FYN: variants seen among roughly 807,000 people sequenced by gnomAD.
The protein encoded by FYN is FYN proto-oncogene, Src family tyrosine kinase.
FYN carries 10 observed loss-of-function variants against 70.2 expected under a neutral mutation model. The observed-to-expected ratio is 0.14, with a 90% CI of 0.09 to 0.24. The LOEUF (loss-of-function observed/expected upper bound fraction) is 0.24, where lower values mean the gene tolerates loss of function less well. Ranked by LOEUF, FYN falls within the 10% of genes least tolerant of loss-of-function variation. FYN has a pLI of 1.00. For synonymous variants in FYN, 236 were observed against 248.6 expected (o/e 0.95, Z 0.48); for missense variants, 319 against 673.1 (o/e 0.47, Z 5.82).
chr6:111,849,758 T>C (rs1274400671), intron 1 of FYN, among the ~76,000 whole-genome samples: 2 of 152,212 alleles, frequency 1.3e-5, no homozygotes, highest in Non-Finnish European at 2.9e-5. Context: ...GTCATTCCAA[T>C]CTCACCAACC....
chr6:111,660,569 T>C lies in FYN; in HGVS notation c.*1170A>G, dbSNP rs1055197334. On this transcript the variant is annotated 3_prime_UTR_variant, in exon 14 of 14. Transcript: ENST00000354650. Reference sequence around the variant, plus strand: ...ACTTTTTTGTTTTTGTGCATCCCCATGAAATGTAAAGTAGTGCATAGTTAT... The same window carrying C: ...ACTTTTTTGTTTTTGTGCATCCCCACGAAATGTAAAGTAGTGCATAGTTAT... 1.3e-4 allele frequency: 20 copies of C among 152,182 alleles called. No homozygotes were observed. Among genetic ancestry groups the C allele is most frequent in the African/African-American group, 4.6e-4 (19 of 41,438 alleles). 9.4% of individuals were successfully genotyped at this position (152,182 alleles called of 1,614,324 possible). A position where few individuals can be genotyped will look rare whatever the true frequency, so the allele number is the denominator to read the frequency against.
intron 7 of FYN, among the ~76,000 whole-genome samples, chr6:111,703,739 C>A (rs1726126): frequency 2.0e-5 from 3 of 152,070 alleles, no homozygotes; most frequent in Admixed American, 6.5e-5. Flanking sequence ...GAAAATTCTA[C>A]GATCTTGTGT....
chr6:111,711,211 G>A (rs117620809), intron 5 of FYN, among the ~76,000 whole-genome samples: 2 of 152,114 alleles, frequency 1.3e-5, no homozygotes, highest in East Asian at 1.9e-4. Context: ...ATTTTATGTC[G>A]GTAACAATTT....
intron 3 of FYN, among the ~76,000 whole-genome samples, chr6:111,743,121 C>T (rs913671758): frequency 2.0e-5 from 3 of 152,080 alleles, no homozygotes; most frequent in African/African-American, 4.8e-5. Context: ...TGCGCGCCAC[C>T]ATGCCTGGCT....
intron 2 of FYN, among the ~76,000 whole-genome samples, chr6:111,831,132 A>G (rs1445373657): frequency 1.3e-5 from 2 of 152,162 alleles, no homozygotes; most frequent in Non-Finnish European, 2.9e-5. Flanking sequence ...TCTGATCCTC[A>G]AAAGGCCCCC....
intron 3 of FYN, among the ~76,000 whole-genome samples, chr6:111,766,123 G>C (rs1031728756): frequency 3.9e-5 from 6 of 152,196 alleles, no homozygotes; most frequent in Non-Finnish European, 7.3e-5. Context: ...ACTTATGAGT[G>C]TCAGGCATCA....
chr6:111,689,521 A>T (rs1328668916), intron 12 of FYN, among the ~76,000 whole-genome samples: 1 of 152,226 alleles, frequency 6.6e-6, no homozygotes, highest in South Asian at 2.1e-4. Context: ...TAATGGCCCC[A>T]ATTTGGAAAT....
At chr6:111,830,861 A>C (rs1283691239) in intron 2 of FYN, among the ~76,000 whole-genome samples, 1 of 152,138 alleles carries the variant, frequency 6.6e-6, no homozygotes, top group Non-Finnish European at 1.5e-5. Flanking sequence ...GAAGATATTG[A>C]GTAAAAATGT....
At chr6:111,824,889 G>A (rs995623164) in intron 2 of FYN, among the ~76,000 whole-genome samples, 16 of 152,152 alleles carry the variant, frequency 1.1e-4, no homozygotes, top group Non-Finnish European at 1.8e-4. Flanking sequence ...CTGAACCAAT[G>A]CATTTGTCAA....
chr6:111,859,944 G>A (rs1444844532), intron 1 of FYN, among the ~76,000 whole-genome samples: 1 of 152,176 alleles, frequency 6.6e-6, no homozygotes, highest in Admixed American at 6.5e-5. Flanking sequence ...TGTAAGAGAG[G>A]AGAAGGCCAT....
rs149226186 is a variant in FYN, at chr6:111,787,504, C to T, written c.-81-6869G>A. 5.0e-3 allele frequency among the ~76,000 whole-genome samples: 766 copies of T among 152,278 alleles called. 5 individuals are homozygous for T. Among genetic ancestry groups the T allele is most frequent in the Middle Eastern group, 0.024 (7 of 294 alleles). ...AGTTTGAAGTCAGGTAGCGTGATGC[C>T]TCCAGGCAAAGACAGGATTTTAACT... On this transcript the variant is annotated intron_variant, in intron 2 of 13. Transcript: ENST00000354650.
chr6:111,867,984 C>T (rs1774163040), intron 1 of FYN, among the ~76,000 whole-genome samples: 1 of 152,146 alleles, frequency 6.6e-6, no homozygotes, highest in African/African-American at 2.4e-5. Context: ...CTGCAGTTCC[C>T]CAAAAGGTCT....
rs1012591676 is a variant in FYN at position 111,832,441 on chromosome 6, C to T, written c.-82+14148G>A. On this transcript the variant is annotated intron_variant, in intron 2 of 13. Transcript: ENST00000354650. Reference sequence around the variant, plus strand: ...AGTACCTTCTAGTATTTGCTTTATACGTTCCTTAGGATTCCTCTACATAAA... The same window carrying T: ...AGTACCTTCTAGTATTTGCTTTATATGTTCCTTAGGATTCCTCTACATAAA... 3.9e-5 allele frequency among the ~76,000 whole-genome samples: 6 copies of T among 152,214 alleles called. No homozygotes were observed. The South Asian group carries it at 8.3e-4, about 21-fold the overall frequency.
chr6:111,776,596 A>G (rs1019005257), intron 3 of FYN, among the ~76,000 whole-genome samples: 1 of 152,216 alleles, frequency 6.6e-6, no homozygotes, highest in Non-Finnish European at 1.5e-5. Context: ...AGTTGAGAGA[A>G]TATTACACCA....
At chr6:111,776,693 T>A (rs974411118) in intron 3 of FYN, among the ~76,000 whole-genome samples, 4 of 152,076 alleles carry the variant, frequency 2.6e-5, no homozygotes, top group Non-Finnish European at 5.9e-5. Flanking sequence ...GCCGGGTGAG[T>A]GCATCCCAAA....
In FYN at chr6:111,704,039, T is replaced by G; in HGVS notation, c.507A>C (p.Pro169=). The change falls in exon 7 of 14, where the codon CCA becomes CCC. Residue 169 remains proline (P), a synonymous_variant. Transcript: ENST00000354650. ...AERQLLSFGN[P]RGTFLIRESE... ...TCTCGCGGATAAGAAAGGTACCTCT[T>G]GGGTTTCCAAAGGACAATAGCTGTC... is the stretch of plus-strand genomic sequence containing the variant. 1.9e-6 allele frequency: 3 copies of G among 1,614,226 alleles called. No individual in the cohort carries two copies. Among genetic ancestry groups the G allele is most frequent in the Non-Finnish European group, 2.5e-6 (3 of 1,180,028 alleles).
intron 13 of FYN, among the ~76,000 whole-genome samples, chr6:111,663,617 T>C (rs1269024778): frequency 1.3e-5 from 2 of 152,254 alleles, no homozygotes; most frequent in Non-Finnish European, 2.9e-5. Context: ...TCTGCTGTAC[T>C]GAAGTAGGCC....
At chr6:111,839,365 G>A (rs1283323978) in intron 2 of FYN, among the ~76,000 whole-genome samples, 2 of 152,078 alleles carry the variant, frequency 1.3e-5, no homozygotes, top group African/African-American at 4.8e-5. Context: ...TATGTAGCAT[G>A]GGGAAAGGAG....
intron 3 of FYN, among the ~76,000 whole-genome samples, chr6:111,773,514 CGGGTGAGAGAGA>C (rs1803551670): frequency 3.1e-5 from 1 of 32,636 alleles, no homozygotes. Context: ...GGAGGGAGAG[CGGGTGAGAGAGA>C]GGGGGAGAGG....
Sources: gnomAD v4.1 joint callset for allele counts (sites outside exome capture counted in the v4.1 genomes callset) on GRCh38, gnomAD v4.1.1 for gene constraint, MANE v1.5 for transcripts, NCBI Gene and HGNC (gene_info 2026-07-23, HGNC 2026-07-21) for gene names.